The following PACSIN1 variants were observed in gnomAD, a reference collection of about 807,000 sequenced individuals.
The protein encoded by PACSIN1 is protein kinase C and casein kinase substrate in neurons 1, also known as protein kinase C and casein kinase substrate in neurons protein 1.
A neutral mutation model predicts 59.5 loss-of-function variants in PACSIN1; 15 were observed. The ratio of observed to expected loss-of-function variants is 0.25; its 90% CI spans 0.17 to 0.39. The LOEUF is 0.39. Ranked by LOEUF, PACSIN1 falls within the 10% of genes least tolerant of loss-of-function variation. The pLI, the probability that PACSIN1 is intolerant of heterozygous loss-of-function variation, is 1.00. For missense variants in PACSIN1, 420 were observed against 580.2 expected, an observed-to-expected ratio of 0.72 and a Z score of 2.84; for synonymous variants, 210 against 220.6, an observed-to-expected ratio of 0.95 and a Z score of 0.42.
At chr6:34,499,214 G>A (rs904173648) in intron 1 of PACSIN1, among the ~76,000 whole-genome samples, 16 of 151,752 alleles carry the variant, frequency 1.1e-4, no homozygotes, top group African/African-American at 2.9e-4. Context: ...TAGATCCCTC[G>A]CATTCACAAG....
Position 34,531,173 on chromosome 6 carries a change from T to C in PACSIN1, c.1038-427T>C, listed in dbSNP as rs1245684243. ...ATGCACTTTCCATATGTTAACTCAT[T>C]CATGCTCAAGTGCGTAAATATTACC... On this transcript the variant is annotated intron_variant, in intron 8 of 9. Coordinates refer to ENST00000244458, the MANE Select transcript of PACSIN1 (RefSeq NM_020804.5). The surrounding 1 kb of genome is among the most constrained non-coding windows in gnomAD (Gnocchi z 4.4). Among the ~76,000 whole-genome samples, 2 of 148,338 alleles carry C rather than the reference T, an allele frequency of 1.3e-5. No individual in the cohort carries two copies. Among genetic ancestry groups the C allele is most frequent in the East Asian group, 3.8e-4 (2 of 5,202 alleles).
At position 34,529,147 on chromosome 6, in the gene PACSIN1, G is replaced by T. The variant is rs1561971393; in HGVS notation, c.457-250G>T. Among the ~76,000 whole-genome samples the T allele has an allele frequency of 6.6e-6, 1 of 152,172 alleles. No individual in the cohort carries two copies. The highest frequency in any genetic ancestry group is 1.5e-5 in the Non-Finnish European group (1 of 68,024). ...GAGCACATTGGCCCCTGGGTCCCCA[G>T]ATGGGGCGGGCACTGCACTGCCTGA... On this transcript the variant is annotated intron_variant, in intron 4 of 9. Transcript: ENST00000244458. This position sits in a 1 kb window ranked among gnomAD's most constrained non-coding sequence, Gnocchi z 6.3.
chr6:34,488,404 C>T lies in PACSIN1; in HGVS notation c.-64+22134C>T, dbSNP rs569133392. Reference sequence around the variant, plus strand: ...TGGTGACTCTGTGTTGTTGTTTTTTCCCTGCTGGTTTCTTGCCACAAGGGG... The same window carrying T: ...TGGTGACTCTGTGTTGTTGTTTTTTTCCTGCTGGTTTCTTGCCACAAGGGG... On this transcript the variant is annotated intron_variant, in intron 1 of 9. Coordinates refer to ENST00000244458, the MANE Select transcript of PACSIN1 (RefSeq NM_020804.5). The surrounding 1 kb of genome is among the most constrained non-coding windows in gnomAD (Gnocchi z 4.7). Among the ~76,000 whole-genome samples, 12 of 152,236 alleles carry T rather than the reference C, an allele frequency of 7.9e-5. No individual in the cohort carries two copies. In the East Asian group the frequency reaches 1.2e-3, roughly 15 times the overall value.
At position 34,518,973 on chromosome 6, in the gene PACSIN1, G is replaced by T. The variant is rs955760847; in HGVS notation, c.-63-7270G>T. On this transcript the variant is annotated intron_variant, in intron 1 of 9. Transcript: ENST00000244458. This position sits in a 1 kb window ranked among gnomAD's most constrained non-coding sequence, Gnocchi z 4.4. ...TCTTGTCTACTTGGCTTGAGAGCAG[G>T]GGAGGGATGTGGGCCTTTTGGGGTG... is the stretch of plus-strand genomic sequence containing the variant. Among the ~76,000 whole-genome samples the T allele has an allele frequency of 4.6e-5, 7 of 152,206 alleles. No homozygotes were observed. The highest frequency in any genetic ancestry group is 1.0e-4 in the Non-Finnish European group (7 of 68,030).
Position 34,525,758 on chromosome 6 carries a change from C to A in PACSIN1, c.-63-485C>A, listed in dbSNP as rs1767470588. On this transcript the variant is annotated intron_variant, in intron 1 of 9. Coordinates refer to ENST00000244458, the MANE Select transcript of PACSIN1 (RefSeq NM_020804.5). The surrounding 1 kb of genome is among the most constrained non-coding windows in gnomAD (Gnocchi z 4.9). ...ACAGATCCAGGGCAGACACAGCCAC[C>A]CCAGACGCTCCCATAGATCTCGGTG... 6.6e-6 allele frequency among the ~76,000 whole-genome samples: 1 copy of A among 152,134 alleles called. No individual in the cohort carries two copies. The highest frequency in any genetic ancestry group is 1.5e-5 in the Non-Finnish European group (1 of 68,016).
intron 1 of PACSIN1, among the ~76,000 whole-genome samples, chr6:34,471,917 C>T (rs1462423988): frequency 6.6e-6 from 1 of 152,116 alleles, no homozygotes; most frequent in Non-Finnish European, 1.5e-5. Context: ...CTCTGAATGT[C>T]GCTGCCTGCC....
intron 1 of PACSIN1, among the ~76,000 whole-genome samples, chr6:34,490,257 G>T (rs1048850741): frequency 1.6e-5 from 2 of 123,294 alleles, no homozygotes; most frequent in African/African-American, 3.4e-5. Context: ...TGTAGAGACA[G>T]GGTCTCCCTA....
intron 1 of PACSIN1, among the ~76,000 whole-genome samples, chr6:34,523,611 A>G (rs114008103): frequency 0.012 from 1,813 of 152,336 alleles, 15 homozygotes; most frequent in Non-Finnish European, 0.017. Flanking sequence ...GAAGGCCAAG[A>G]GCATGTTGAG....
In PACSIN1 at chr6:34,531,843, G is replaced by T; in HGVS notation, c.1225+56G>T. On this transcript the variant is annotated intron_variant, in intron 9 of 9. Coordinates refer to ENST00000244458, the MANE Select transcript of PACSIN1 (RefSeq NM_020804.5). The surrounding 1 kb of genome is among the most constrained non-coding windows in gnomAD (Gnocchi z 4.4). Reference sequence around the variant, plus strand: ...AGAGGCTTGGGCCTGGATTGGGTGTGTGGTGGTGCAGGGGCGGTGCCTGAG... The same window carrying T: ...AGAGGCTTGGGCCTGGATTGGGTGTTTGGTGGTGCAGGGGCGGTGCCTGAG... 6.7e-7 allele frequency: 1 copy of T among 1,494,430 alleles called. No homozygotes were observed. The highest frequency in any genetic ancestry group is 9.0e-7 in the Non-Finnish European group (1 of 1,111,656). The allele number at this position is 1,494,430 out of a possible 1,614,324, so 92.6% of individuals were successfully genotyped here. A position where few individuals can be genotyped will look rare whatever the true frequency, so the allele number is the denominator to read the frequency against.
At chr6:34,498,573 GGATTGCTT>G (rs1269873463) in intron 1 of PACSIN1, among the ~76,000 whole-genome samples, 1 of 151,980 alleles carries the variant, frequency 6.6e-6, no homozygotes, top group Non-Finnish European at 1.5e-5. Context: ...CGAGGCAGGT[GGATTGCTT>G]GAGCCCAGGA....
At chr6:34,522,492 C>T (rs1466552941) in intron 1 of PACSIN1, among the ~76,000 whole-genome samples, 2 of 152,054 alleles carry the variant, frequency 1.3e-5, no homozygotes, top group African/African-American at 4.8e-5. Context: ...TGCACCTTTC[C>T]CTAGCTGGGT....
intron 4 of PACSIN1, 24 bp downstream of exon 4, chr6:34,528,901 G>GGGGGGGC: frequency 1.4e-6 from 2 of 1,394,278 alleles, no homozygotes; most frequent in East Asian, 4.7e-5. Context: ...GCTGCCACGG[G>GGGGGGGC]CGGGGTGGGG....
intron 1 of PACSIN1, among the ~76,000 whole-genome samples, chr6:34,475,069 G>A (rs886235139): frequency 6.6e-6 from 1 of 152,018 alleles, no homozygotes; most frequent in Non-Finnish European, 1.5e-5. Context: ...AACAGCCCTC[G>A]TTGTCCCCCA....
intron 1 of PACSIN1, among the ~76,000 whole-genome samples, chr6:34,511,829 G>A (rs1308850195): frequency 2.0e-5 from 3 of 148,494 alleles, no homozygotes; most frequent in East Asian, 1.9e-4. Flanking sequence ...TGGGATAACT[G>A]TGCTGAGCTG....
In PACSIN1 at chr6:34,526,352, C is replaced by T. The variant is rs1767481771; in HGVS notation, c.47C>T (p.Thr16Ile). ...DEASLAPEET[T>I]DSFWEVGNYK... ...GCCTCACTGGCGCCAGAGGAGACCACCGACAGCTTCTGGGAGGTGAGGCTC... is the reference window on the plus strand; with the variant it reads ...GCCTCACTGGCGCCAGAGGAGACCATCGACAGCTTCTGGGAGGTGAGGCTC... Residue 16 changes from threonine (T) to isoleucine (I), a missense_variant, in exon 2 of 10, where the codon ACC (threonine) becomes ATC (isoleucine). Thr to Ile is a moderately conservative substitution (Grantham distance 89). Transcript: ENST00000244458. The T allele has an allele frequency of 3.1e-6, 5 of 1,612,432 alleles. No homozygotes were observed. The highest frequency in any genetic ancestry group is 4.2e-6 in the Non-Finnish European group (5 of 1,179,842).
rs1185452330 is a variant in PACSIN1 at position 34,516,880 on chromosome 6, T to G, written c.-63-9363T>G. Among the ~76,000 whole-genome samples the G allele has an allele frequency of 6.6e-6, 1 of 152,032 alleles. No individual in the cohort carries two copies. Among genetic ancestry groups the G allele is most frequent in the Non-Finnish European group, 1.5e-5 (1 of 67,958 alleles). On this transcript the variant is annotated intron_variant, in intron 1 of 9. Coordinates refer to ENST00000244458, the MANE Select transcript of PACSIN1 (RefSeq NM_020804.5). This position sits in a 1 kb window ranked among gnomAD's most constrained non-coding sequence, Gnocchi z 5.4. ...AGACCTTCTCATGTGAAAGGGAGCT[T>G]GAGGGAGGCCCCAGGAGCACTGAGA...
At chr6:34,487,574 T>C (rs1358532362) in intron 1 of PACSIN1, among the ~76,000 whole-genome samples, 1 of 152,170 alleles carries the variant, frequency 6.6e-6, no homozygotes, top group Non-Finnish European at 1.5e-5. Flanking sequence ...GATTGAAGGA[T>C]GGAGGACTGG....
chr6:34,472,376 A>G (rs1766584310), intron 1 of PACSIN1, among the ~76,000 whole-genome samples: 1 of 150,778 alleles, frequency 6.6e-6, no homozygotes, highest in Non-Finnish European at 1.5e-5. Context: ...AACAATGTGT[A>G]GAAGGCTGCA....
At chr6:34,487,540 G>A (rs1300973063) in intron 1 of PACSIN1, among the ~76,000 whole-genome samples, 1 of 152,186 alleles carries the variant, frequency 6.6e-6, no homozygotes. Flanking sequence ...TTTGGATGCA[G>A]GAGGTTGCTC....
Sources: allele counts gnomAD v4.1 joint callset (sites outside exome capture counted in the v4.1 genomes callset), GRCh38; gene constraint gnomAD v4.1.1; non-coding constraint Gnocchi (gnomAD v3.1); transcripts MANE v1.5; gene names NCBI Gene and HGNC (gene_info 2026-07-23, HGNC 2026-07-21).